TAFA2: variants seen among roughly 807,000 people sequenced by gnomAD.
TAFA2 encodes chemokine-like protein TAFA-2.
A neutral mutation model predicts 18.8 loss-of-function variants in TAFA2; 7 were observed. The ratio of observed to expected loss-of-function variants is 0.37; its 90% CI spans 0.21 to 0.70. The LOEUF (loss-of-function observed/expected upper bound fraction) is 0.70. Among genes scored for constraint, TAFA2 ranks in the 30% least tolerant of loss-of-function variants. The pLI, the probability that TAFA2 is intolerant of heterozygous loss-of-function variation, is 0.53. For synonymous variants in TAFA2, 60 were observed against 54.2 expected, an observed-to-expected ratio of 1.11 and a Z score of -0.47; for missense variants, 122 against 158.1, an observed-to-expected ratio of 0.77 and a Z score of 1.23.
intron 1 of TAFA2, among the ~76,000 whole-genome samples, chr12:62,240,403 A>C (rs1054938142): frequency 2.7e-5 from 4 of 149,868 alleles, no homozygotes; most frequent in Non-Finnish European, 5.9e-5. Context: ...TGGGTGACAG[A>C]GCAAGACTCT....
intron 1 of TAFA2, among the ~76,000 whole-genome samples, chr12:62,175,618 C>G (rs552381005): frequency 6.6e-6 from 1 of 152,048 alleles, no homozygotes; most frequent in Non-Finnish European, 1.5e-5. Flanking sequence ...ACTGCCCTAT[C>G]ATCTCTAACA....
intron 1 of TAFA2, among the ~76,000 whole-genome samples, chr12:62,018,428 A>G (rs1225522182): frequency 6.6e-6 from 1 of 152,138 alleles, no homozygotes; most frequent in African/African-American, 2.4e-5. Context: ...TTTTTTTAAT[A>G]TATCTAGAAA....
intron 1 of TAFA2, among the ~76,000 whole-genome samples, chr12:62,136,483 T>A (rs76773713): frequency 0.018 from 2,774 of 152,218 alleles, 79 homozygotes; most frequent in African/African-American, 0.061. Context: ...AGGACAAAAC[T>A]TTTCAGAATA....
At chr12:62,081,891 C>T (rs1409772777) in intron 1 of TAFA2, among the ~76,000 whole-genome samples, 1 of 152,064 alleles carries the variant, frequency 6.6e-6, no homozygotes, top group Non-Finnish European at 1.5e-5. Flanking sequence ...ATCCCATCAC[C>T]TAGGTATTAG....
intron 1 of TAFA2, among the ~76,000 whole-genome samples, chr12:62,228,116 T>C (rs944706962): frequency 6.6e-6 from 1 of 152,146 alleles, no homozygotes; most frequent in African/African-American, 2.4e-5. Flanking sequence ...TAATTTTTAA[T>C]TTTTTTATCG....
At chr12:61,840,295 T>C (rs948011233) in intron 2 of TAFA2, among the ~76,000 whole-genome samples, 5 of 152,072 alleles carry the variant, frequency 3.3e-5, no homozygotes, top group African/African-American at 4.8e-5. Flanking sequence ...CTCAGTTCTG[T>C]ATTTCACTGT....
At chr12:62,042,304 A>G (rs1227608434) in intron 1 of TAFA2, among the ~76,000 whole-genome samples, 1 of 152,138 alleles carries the variant, frequency 6.6e-6, no homozygotes, top group East Asian at 1.9e-4. Flanking sequence ...TTAGGTTCAA[A>G]CAGAAACAGC....
intron 1 of TAFA2, among the ~76,000 whole-genome samples, chr12:62,188,123 T>A (rs1444844136): frequency 6.6e-6 from 1 of 152,210 alleles, no homozygotes; most frequent in East Asian, 1.9e-4. Flanking sequence ...TTCTTCTCTT[T>A]GTTTCGATGA....
chr12:61,916,001 C>T (rs548093921), intron 1 of TAFA2, among the ~76,000 whole-genome samples: 1 of 152,206 alleles, frequency 6.6e-6, no homozygotes, highest in Admixed American at 6.5e-5. Flanking sequence ...GAGTTTCCAT[C>T]CATAAAAGGT....
At chr12:62,057,193 A>G (rs962714552) in intron 1 of TAFA2, among the ~76,000 whole-genome samples, 1 of 152,130 alleles carries the variant, frequency 6.6e-6, no homozygotes, top group Non-Finnish European at 1.5e-5. Context: ...TTCTTCTTGA[A>G]TTTTGGTAGG....
chr12:62,008,502 T>C (rs1475746809), intron 1 of TAFA2, among the ~76,000 whole-genome samples: 1 of 152,194 alleles, frequency 6.6e-6, no homozygotes, highest in African/African-American at 2.4e-5. Context: ...ATTTTTTTGT[T>C]ATGATACTGC....
intron 1 of TAFA2, among the ~76,000 whole-genome samples, chr12:61,973,395 A>ATT (rs33918768): frequency 0.15 from 20,549 of 135,232 alleles, 1,526 homozygotes; most frequent in East Asian, 0.19. Flanking sequence ...TATTATTTAG[A>ATT]TTTTTTTTTT....
At chr12:62,050,421 A>T (rs1408400709) in intron 1 of TAFA2, among the ~76,000 whole-genome samples, 1 of 151,904 alleles carries the variant, frequency 6.6e-6, no homozygotes, top group Middle Eastern at 3.2e-3. Flanking sequence ...AATACAAAAA[A>T]ATTAGCCGGG....
At chr12:62,214,282 C>T (rs1256007766) in intron 1 of TAFA2, among the ~76,000 whole-genome samples, 2 of 152,104 alleles carry the variant, frequency 1.3e-5, no homozygotes, top group African/African-American at 4.8e-5. Context: ...CAGTTCTTTC[C>T]TGTGCTGTTT....
At chr12:61,825,911 T>C (rs994458384) in intron 2 of TAFA2, among the ~76,000 whole-genome samples, 5 of 152,054 alleles carry the variant, frequency 3.3e-5, no homozygotes, top group African/African-American at 1.2e-4. Context: ...TTTAAGTCAT[T>C]GGATCTGTAA....
At chr12:62,026,393 A>G (rs1449096450) in intron 1 of TAFA2, among the ~76,000 whole-genome samples, 1 of 152,046 alleles carries the variant, frequency 6.6e-6, no homozygotes, top group East Asian at 1.9e-4. Context: ...CAAACCCATG[A>G]TGGATTTGCT....
At chr12:62,163,932 C>A (rs1408917287) in intron 1 of TAFA2, among the ~76,000 whole-genome samples, 1 of 151,962 alleles carries the variant, frequency 6.6e-6, no homozygotes, top group African/African-American at 2.4e-5. Context: ...AAAAAAAGTT[C>A]CTTTTTAACT....
chr12:61,762,211 T>C (rs1463841565), intron 2 of TAFA2, among the ~76,000 whole-genome samples: 2 of 152,088 alleles, frequency 1.3e-5, no homozygotes, highest in African/African-American at 2.4e-5. Flanking sequence ...GACCTTTCTA[T>C]GCAAGAAAGA....
At chr12:61,808,793 T>C (rs1398673032) in intron 2 of TAFA2, among the ~76,000 whole-genome samples, 1 of 151,542 alleles carries the variant, frequency 6.6e-6, no homozygotes, top group Non-Finnish European at 1.5e-5. Flanking sequence ...CTTATATCTT[T>C]GCACAGTGCC....
Sources: gnomAD v4.1 joint callset for allele counts (sites outside exome capture counted in the v4.1 genomes callset) on GRCh38, gnomAD v4.1.1 for gene constraint, MANE v1.5 for transcripts, NCBI Gene and HGNC (gene_info 2026-07-23, HGNC 2026-07-21) for gene names.